Variants in SEMA6A observed in about 807,000 individuals in gnomAD.
SEMA6A encodes semaphorin-6A.
In SEMA6A, 25 loss-of-function variants were observed where a neutral mutation model predicts 96.8. The observed-to-expected ratio is 0.26, with a 90% confidence interval of 0.19 to 0.36. SEMA6A has a LOEUF of 0.36. SEMA6A is among the 10% of genes least tolerant of loss of function. SEMA6A has a pLI of 1.00. For synonymous variants in SEMA6A, 612 were observed against 518.0 expected, an observed-to-expected ratio of 1.18 and a Z score of -2.46; for missense variants, 1,363 against 1,323.1, an observed-to-expected ratio of 1.03 and a Z score of -0.47.
chr5:116,501,858 G>C (rs1009148227), intron 3 of SEMA6A, among the ~76,000 whole-genome samples: 6 of 152,206 alleles, frequency 3.9e-5, no homozygotes, highest in Admixed American at 3.3e-4. Flanking sequence ...CTGCACTCCA[G>C]CCTGGGCAAC....
chr5:116,485,820 G>C (rs543220964), intron 10 of SEMA6A, among the ~76,000 whole-genome samples: 2 of 152,276 alleles, frequency 1.3e-5, no homozygotes, highest in South Asian at 4.1e-4. Context: ...TAGATTTCAC[G>C]ACCATGCACA....
intron 1 of SEMA6A, among the ~76,000 whole-genome samples, chr5:116,542,687 G>A (rs1172486144): frequency 6.6e-6 from 1 of 152,220 alleles, no homozygotes; most frequent in Non-Finnish European, 1.5e-5. Flanking sequence ...AGAAAGTGGA[G>A]CACCGCAAAA....
chr5:116,538,969 G>A (rs1759845137), intron 1 of SEMA6A, among the ~76,000 whole-genome samples: 1 of 152,024 alleles, frequency 6.6e-6, no homozygotes, highest in East Asian at 1.9e-4. Context: ...AATTATTGGA[G>A]TTGGCATATT....
At chr5:116,491,623 G>A (rs1757329314) in intron 7 of SEMA6A, 117 bp downstream of exon 7, 3 of 753,124 alleles carry the variant, frequency 4.0e-6, no homozygotes, top group South Asian at 3.2e-5. Flanking sequence ...CTTAATTACA[G>A]TATTCACCAG....
chr5:116,543,731 C>A (rs1423127523), intron 1 of SEMA6A, among the ~76,000 whole-genome samples: 2 of 152,090 alleles, frequency 1.3e-5, no homozygotes, highest in Non-Finnish European at 2.9e-5. Flanking sequence ...CAAGTTTGTG[C>A]TGGCAGAAGA....
intron 1 of SEMA6A, among the ~76,000 whole-genome samples, chr5:116,547,734 T>TTA (rs1760240583): frequency 1.5e-5 from 1 of 65,556 alleles, no homozygotes; most frequent in Non-Finnish European, 2.8e-5. Flanking sequence ...ATCTGATACT[T>TTA]AAAAAAAAAA....
chr5:116,537,813 G>A (rs1259457839), intron 1 of SEMA6A, among the ~76,000 whole-genome samples: 1 of 152,126 alleles, frequency 6.6e-6, no homozygotes, highest in African/African-American at 2.4e-5. Context: ...TAAGCATATG[G>A]GGAAAATACA....
At chr5:116,498,247 C>T (rs928793522) in intron 3 of SEMA6A, among the ~76,000 whole-genome samples, 13 of 152,286 alleles carry the variant, frequency 8.5e-5, no homozygotes, top group African/African-American at 2.9e-4. Flanking sequence ...CTTGAAATAA[C>T]ATTGACTTTC....
chr5:116,454,114 G>A (rs1015809584), intron 18 of SEMA6A, among the ~76,000 whole-genome samples: 3 of 152,102 alleles, frequency 2.0e-5, no homozygotes, highest in South Asian at 4.1e-4. Context: ...ATAGTGAAGT[G>A]ATTAATAGGC....
chr5:116,498,902 T>C (rs1053952406), intron 3 of SEMA6A: 2 of 152,164 alleles, frequency 1.3e-5, no homozygotes, highest in African/African-American at 2.4e-5. Context: ...TTAATATGCA[T>C]TGGCAGCTCC....
chr5:116,481,257 T>C (rs1756749968), intron 11 of SEMA6A, among the ~76,000 whole-genome samples: 1 of 152,184 alleles, frequency 6.6e-6, no homozygotes, highest in Non-Finnish European at 1.5e-5. Flanking sequence ...GAGAGGGTAT[T>C]ACATAAGAAC....
intron 17 of SEMA6A, chr5:116,471,331 T>G (rs1756131107): frequency 6.6e-6 from 1 of 152,164 alleles, no homozygotes; most frequent in Non-Finnish European, 1.5e-5. Context: ...TAAGAGTATC[T>G]CATAGTTTAA....
In SEMA6A at chr5:116,538,744, A is replaced by C. The variant is rs188304500; in HGVS notation, c.-38-33762T>G. Reference sequence around the variant, plus strand: ...AACCTTCTAATGATAAAATAAATAAATAAAATAAACATTTTAGACAAAACT... The same window carrying C: ...AACCTTCTAATGATAAAATAAATAACTAAAATAAACATTTTAGACAAAACT... On this transcript the variant is annotated intron_variant, in intron 1 of 18. Transcript: ENST00000343348. Among the ~76,000 whole-genome samples, 618 of 152,036 alleles carry C rather than the reference A, an allele frequency of 4.1e-3. 2 individuals carry two copies. Among genetic ancestry groups the C allele is most frequent in the Admixed American group, 6.6e-3 (101 of 15,296 alleles).
intron 2 of SEMA6A, among the ~76,000 whole-genome samples, chr5:116,503,712 T>C (rs1758009485): frequency 6.6e-6 from 1 of 152,080 alleles, no homozygotes; most frequent in Non-Finnish European, 1.5e-5. Context: ...GAGACAGTTT[T>C]CACCATGTTG....
intron 18 of SEMA6A, among the ~76,000 whole-genome samples, chr5:116,458,756 C>A (rs1349874380): frequency 1.3e-5 from 2 of 151,956 alleles, no homozygotes; most frequent in African/African-American, 4.8e-5. Context: ...ACCCTTTCCA[C>A]AATAATCTCA....
chr5:116,482,335 T>C, intron 11 of SEMA6A, 109 bp downstream of exon 11: 1 of 1,214,536 alleles, frequency 8.2e-7, no homozygotes, highest in Non-Finnish European at 1.1e-6. Flanking sequence ...GCAATCTGCT[T>C]GGCTGGCATG....
chr5:116,470,932 T>G (rs143620813), intron 17 of SEMA6A, among the ~76,000 whole-genome samples: 4,248 of 152,340 alleles, frequency 0.028, 98 homozygotes, highest in Middle Eastern at 0.065. Flanking sequence ...CAGTGCCCAG[T>G]ACAGTGCCTA....
chr5:116,462,094 G>T (rs1220443218), intron 18 of SEMA6A, among the ~76,000 whole-genome samples: 1 of 152,056 alleles, frequency 6.6e-6, no homozygotes, highest in Non-Finnish European at 1.5e-5. Context: ...GACTTGATAG[G>T]AGCCAAAAAA....
rs1158470422 is a variant in SEMA6A, at chr5:116,447,104, C to T, written c.2602G>A (p.Val868Met). 1.9e-6 allele frequency: 3 copies of T among 1,613,836 alleles called. No homozygotes were observed. Among genetic ancestry groups the T allele is most frequent in the East Asian group, 2.2e-5 (1 of 44,846 alleles). ...CTGTCCAGGTTCTCCACAAGGTTCA[C>T]CCCATGGTTGGGACTCTTGCTGCTG... ...HLSSKSPNHG[V>M]NLVENLDSLP... is the part of the protein sequence containing the mutation. The change falls in exon 19 of 19, where the codon GTG becomes ATG. Residue 868 changes from valine to methionine, a missense_variant. By Grantham distance (21) the Val-to-Met change is conservative. This residue lies in a region of SEMA6A where 883 missense variants were observed against 763.6 expected (regional missense o/e 1.16). Coordinates refer to ENST00000343348, the MANE Select transcript of SEMA6A (RefSeq NM_020796.5).
Sources: gnomAD v4.1 joint callset for allele counts (sites outside exome capture counted in the v4.1 genomes callset) on GRCh38, gnomAD v4.1.1 for gene constraint, gnomAD v4.1.1 regional missense constraint, MANE v1.5 for transcripts, NCBI Gene and HGNC (gene_info 2026-07-23, HGNC 2026-07-21) for gene names.